Variants in EPHA6 observed in about 807,000 individuals in gnomAD.
The protein encoded by EPHA6 is ephrin type-A receptor 6.
EPHA6 carries 50 observed loss-of-function variants against 112.0 expected under a neutral mutation model. That is an observed-to-expected ratio of 0.45 (90% CI 0.36 to 0.56). The LOEUF is 0.56. Among genes scored for constraint, EPHA6 ranks in the 20% least tolerant of loss-of-function variants. The pLI, the probability that EPHA6 is intolerant of heterozygous loss-of-function variation, is 0.00. For missense variants in EPHA6, 1,280 were observed against 1,417.4 expected, an observed-to-expected ratio of 0.90 and a Z score of 1.56; for synonymous variants, 529 against 490.7, an observed-to-expected ratio of 1.08 and a Z score of -1.03.
At chr3:96,902,085 A>G (rs1170415713) in intron 2 of EPHA6, among the ~76,000 whole-genome samples, 2 of 152,178 alleles carry the variant, frequency 1.3e-5, no homozygotes, top group Admixed American at 1.3e-4. Flanking sequence ...TATGTTGCTA[A>G]TAAGAAAGAT....
At chr3:96,980,668 T>G (rs1200996111) in intron 2 of EPHA6, among the ~76,000 whole-genome samples, 2 of 152,196 alleles carry the variant, frequency 1.3e-5, no homozygotes, top group African/African-American at 4.8e-5. Context: ...ATGATATTGA[T>G]TCTTCCTACC....
At chr3:97,729,489 C>A (rs1311468407) in intron 15 of EPHA6, among the ~76,000 whole-genome samples, 1 of 152,012 alleles carries the variant, frequency 6.6e-6, no homozygotes, top group Non-Finnish European at 1.5e-5. Context: ...ACCATCAGAT[C>A]TCATGGGACT....
chr3:96,891,225 G>C (rs1480621580), intron 2 of EPHA6, among the ~76,000 whole-genome samples: 1 of 152,092 alleles, frequency 6.6e-6, no homozygotes, highest in Non-Finnish European at 1.5e-5. Context: ...ATAAATGGTT[G>C]TCTAGGCATA....
intron 11 of EPHA6, among the ~76,000 whole-genome samples, chr3:97,544,243 C>A (rs1276192879): frequency 6.6e-6 from 1 of 151,976 alleles, no homozygotes; most frequent in African/African-American, 2.4e-5. Context: ...ATAGATAGCT[C>A]TTATTATTTT....
At chr3:97,131,304 G>C (rs2075610577) in intron 3 of EPHA6, among the ~76,000 whole-genome samples, 1 of 152,058 alleles carries the variant, frequency 6.6e-6, no homozygotes, top group South Asian at 2.1e-4. Flanking sequence ...ATAGATGATA[G>C]AAGATAGAGA....
In EPHA6 at chr3:97,749,667, G is replaced by A. The variant is rs186783244; in HGVS notation, c.*966G>A. On this transcript the variant is annotated 3_prime_UTR_variant, in exon 18 of 18. Coordinates refer to ENST00000389672, the MANE Select transcript of EPHA6 (RefSeq NM_001080448.3). ...AGTAGAATTGCTTTGAATAAAATAC[G>A]TTAGATTATACCCTTAGATTTAATG... Among the ~76,000 whole-genome samples the A allele has an allele frequency of 3.9e-5, 6 of 152,122 alleles. No homozygotes were observed. Among genetic ancestry groups the A allele is most frequent in the South Asian group, 2.1e-4 (1 of 4,808 alleles).
intron 3 of EPHA6, among the ~76,000 whole-genome samples, chr3:97,079,222 G>A (rs1258019627): frequency 6.6e-6 from 1 of 152,054 alleles, no homozygotes; most frequent in African/African-American, 2.4e-5. Flanking sequence ...TCAATGTTAG[G>A]ATGAAGACAA....
chr3:97,077,459 ATAC>A (rs2046565310), intron 3 of EPHA6, among the ~76,000 whole-genome samples: 3 of 152,170 alleles, frequency 2.0e-5, no homozygotes, highest in Admixed American at 2.0e-4. Flanking sequence ...TTACATAGGT[ATAC>A]ATGTGCCATG....
At chr3:97,226,858 G>T (rs978181930) in intron 4 of EPHA6, among the ~76,000 whole-genome samples, 12 of 152,172 alleles carry the variant, frequency 7.9e-5, no homozygotes, top group African/African-American at 2.9e-4. Context: ...TTGTGTTATT[G>T]TTATGTAGAA....
chr3:97,588,776 A>C (rs1222512188), intron 11 of EPHA6, among the ~76,000 whole-genome samples: 3 of 152,212 alleles, frequency 2.0e-5, no homozygotes, highest in Non-Finnish European at 4.4e-5. Flanking sequence ...ATTGAAGCAC[A>C]GTTTAAGCTC....
intron 6 of EPHA6, among the ~76,000 whole-genome samples, chr3:97,426,684 C>T (rs2089149628): frequency 6.6e-6 from 1 of 152,096 alleles, no homozygotes; most frequent in Non-Finnish European, 1.5e-5. Flanking sequence ...GCAACAAAAA[C>T]ATTGTCAAGT....
At chr3:97,482,311 A>G (rs1292997492) in intron 9 of EPHA6, among the ~76,000 whole-genome samples, 1 of 152,374 alleles carries the variant, frequency 6.6e-6, no homozygotes, top group African/African-American at 2.4e-5. Flanking sequence ...ACTAATAATT[A>G]GTAGTGGCTA....
At chr3:97,369,659 T>A (rs1473483215) in intron 5 of EPHA6, among the ~76,000 whole-genome samples, 2 of 152,162 alleles carry the variant, frequency 1.3e-5, no homozygotes, top group Non-Finnish European at 2.9e-5. Flanking sequence ...CCTTCTCTTA[T>A]GTGATCCCTG....
chr3:97,179,710 C>T (rs1295017990), intron 3 of EPHA6, among the ~76,000 whole-genome samples: 1 of 126,920 alleles, frequency 7.9e-6, no homozygotes, highest in Admixed American at 7.9e-5. Flanking sequence ...TCTGCCAAAC[C>T]TACAGAGTCT....
intron 6 of EPHA6, among the ~76,000 whole-genome samples, chr3:97,411,953 T>C (rs1439391754): frequency 1.6e-4 from 25 of 152,048 alleles, no homozygotes; most frequent in Admixed American, 1.6e-3. Context: ...ATAAGGATGT[T>C]CTTTCCTCTG....
chr3:97,680,540 G>A (rs1014806379), intron 14 of EPHA6, among the ~76,000 whole-genome samples: 1 of 152,178 alleles, frequency 6.6e-6, no homozygotes, highest in African/African-American at 2.4e-5. Flanking sequence ...CAACAAATGT[G>A]AAAAGTGAAA....
chr3:97,484,021 A>T lies in EPHA6; in HGVS notation c.2162A>T (p.Asp721Val), dbSNP rs1454438973. The change falls in exon 10 of 18, where the codon GAT becomes GTT. Residue 721 changes from aspartate to valine, a missense_variant. Asp to Val is a radical substitution (Grantham distance 152). This residue lies in a region of EPHA6 where 878 missense variants were observed against 999.7 expected (regional missense o/e 0.88). Coordinates refer to ENST00000389672, the MANE Select transcript of EPHA6 (RefSeq NM_001080448.3). ...GTCCATGAATTTGCAAAGGAGATTG[A>T]TCCCTCAAGAATTCGTATTGAGAGA... ...LAVHEFAKEI[D>V]PSRIRIERVI... The T allele has an allele frequency of 1.2e-6, 2 of 1,610,070 alleles. No individual in the cohort carries two copies. The highest frequency in any genetic ancestry group is 1.6e-4 in the Middle Eastern group (1 of 6,076).
In EPHA6 at chr3:97,195,167, T is replaced by C. The variant is rs553188774; in HGVS notation, c.1115-31097T>C. Among the ~76,000 whole-genome samples, 47 of 152,148 alleles carry C rather than the reference T, an allele frequency of 3.1e-4. 1 individual carries two copies. Among genetic ancestry groups the C allele is most frequent in the African/African-American group, 8.9e-4 (37 of 41,584 alleles). On this transcript the variant is annotated intron_variant, in intron 3 of 17. Transcript: ENST00000389672. ...CTCTTTCTCCCTTTCCTTCTTTCTG[T>C]CTTCCTTTTTATAGAGATGATTTTC...
chr3:97,242,383 C>T (rs1293685606), intron 4 of EPHA6, among the ~76,000 whole-genome samples: 1 of 151,784 alleles, frequency 6.6e-6, no homozygotes, highest in Non-Finnish European at 1.5e-5. Context: ...ATATTTTTCC[C>T]ACCCCTCTGC....
Sources: gnomAD v4.1 joint callset for allele counts (sites outside exome capture counted in the v4.1 genomes callset) on GRCh38, gnomAD v4.1.1 for gene constraint, gnomAD v4.1.1 regional missense constraint, MANE v1.5 for transcripts, NCBI Gene and HGNC (gene_info 2026-07-23, HGNC 2026-07-21) for gene names.